Variants in SVIL observed in about 807,000 individuals in gnomAD.
SVIL encodes the protein archvillin.
In SVIL, 101 loss-of-function variants were observed where a neutral mutation model predicts 240.4. That is an observed-to-expected ratio of 0.42 (90% confidence interval 0.36 to 0.50). The LOEUF is 0.50. Ranked by LOEUF, SVIL falls within the 20% of genes least tolerant of loss-of-function variation. The pLI, the probability that SVIL is intolerant of heterozygous loss-of-function variation, is 0.01. For synonymous variants in SVIL, 999 were observed against 1,100.0 expected, an observed-to-expected ratio of 0.91 and a Z score of 1.82; for missense variants, 2,512 against 2,818.7, an observed-to-expected ratio of 0.89 and a Z score of 2.46.
intron 6 of SVIL, among the ~76,000 whole-genome samples, 170 bp from the exon 7 acceptor site, chr10:29,536,239 A>C (rs896080853): frequency 6.6e-6 from 1 of 152,166 alleles, no homozygotes; most frequent in Non-Finnish European, 1.5e-5. Context: ...AGCAGCAGAC[A>C]TGAGGGCCCA....
chr10:29,496,962 G>T lies in SVIL; in HGVS notation c.3665-1781C>A, dbSNP rs1405090432. On this transcript the variant is annotated intron_variant, in intron 18 of 37. Transcript: ENST00000355867. ...ACTTAGTCACCCTGCACCTAACGACGTGCTTCTGTTAAAGAAGGGTTGGGG... is the reference window on the plus strand; with the variant it reads ...ACTTAGTCACCCTGCACCTAACGACTTGCTTCTGTTAAAGAAGGGTTGGGG... Among the ~76,000 whole-genome samples the T allele has an allele frequency of 4.6e-5, 7 of 152,176 alleles. No individual in the cohort carries two copies. In the East Asian group the frequency reaches 1.3e-3, roughly 29 times the overall value.
chr10:29,583,327 T>G (rs1956029153), intron 1 of SVIL, among the ~76,000 whole-genome samples: 1 of 152,206 alleles, frequency 6.6e-6, no homozygotes, highest in Non-Finnish European at 1.5e-5. Flanking sequence ...AGACAGGGTC[T>G]GGCTCTGTTG....
intron 1 of SVIL, among the ~76,000 whole-genome samples, chr10:29,574,824 G>A (rs1459833769): frequency 6.6e-6 from 1 of 152,188 alleles, no homozygotes; most frequent in African/African-American, 2.4e-5. Context: ...GGAGACATCA[G>A]GCCAGCTGCA....
intron 7 of SVIL, among the ~76,000 whole-genome samples, chr10:29,535,723 A>G (rs1319011227): frequency 6.6e-6 from 1 of 152,210 alleles, no homozygotes; most frequent in Admixed American, 6.5e-5. Flanking sequence ...GTTGGTGAGA[A>G]GGGAAAAGCA....
chr10:29,606,314 G>A lies in SVIL; in HGVS notation c.-201+28106C>T, dbSNP rs150010569. Among the ~76,000 whole-genome samples the A allele has an allele frequency of 7.3e-3, 1,105 of 152,212 alleles. 17 individuals are homozygous for A. The highest frequency in any genetic ancestry group is 0.026 in the African/African-American group (1,066 of 41,506). On this transcript the variant is annotated intron_variant, in intron 1 of 37. Coordinates refer to ENST00000355867, the MANE Select transcript of SVIL (RefSeq NM_021738.3). The stretch of plus-strand genomic sequence containing the variant: ...CCCGCCTCAGCCTCCCAAAGTGCTG[G>A]GATTACAGACACTGGCCACTGCAAC...
intron 1 of SVIL, among the ~76,000 whole-genome samples, chr10:29,624,139 G>A (rs1228004644): frequency 1.4e-5 from 2 of 141,978 alleles, no homozygotes. Flanking sequence ...GAAAACAATG[G>A]ATGCTCTCCT....
intron 1 of SVIL, among the ~76,000 whole-genome samples, chr10:29,725,065 C>A (rs1481229139): frequency 1.4e-5 from 2 of 146,260 alleles, no homozygotes; most frequent in Admixed American, 1.4e-4. Flanking sequence ...CATGCATGCT[C>A]ACCTCTAAAT....
intron 29 of SVIL, among the ~76,000 whole-genome samples, chr10:29,479,782 T>C (rs989741773): frequency 6.6e-6 from 1 of 152,216 alleles, no homozygotes; most frequent in Non-Finnish European, 1.5e-5. Context: ...AAGGGGGCTG[T>C]AAAGAGGCAA....
chr10:29,458,419 G>A lies in SVIL; in HGVS notation c.6558+15C>T, dbSNP rs200238394. The A allele has an allele frequency of 2.4e-5, 38 of 1,593,302 alleles. 1 individual carries two copies. The Middle Eastern group carries it at 1.3e-3, about 56-fold the overall frequency. ...GTTTTACTCCCATCCCCACCCCACC[G>A]GAAGAACCGCTTACCTCGAAGTCTT... On this transcript the variant is annotated intron_variant, in intron 37 of 37. Transcript: ENST00000355867.
At chr10:29,501,447 T>G (rs941586021) in intron 17 of SVIL, among the ~76,000 whole-genome samples, 17 of 121,742 alleles carry the variant, frequency 1.4e-4, no homozygotes, top group East Asian at 5.4e-4. Context: ...GGCAAGAAAG[T>G]GGGGTGAGGA....
chr10:29,488,558 A>G, intron 23 of SVIL, 43 bp downstream of exon 23: 1 of 1,512,418 alleles, frequency 6.6e-7, no homozygotes, highest in Non-Finnish European at 8.8e-7. Context: ...ACCAGACAGA[A>G]ACCACGGGCC....
intron 1 of SVIL, among the ~76,000 whole-genome samples, chr10:29,612,098 A>C (rs1239905860): frequency 6.6e-6 from 1 of 152,118 alleles, no homozygotes; most frequent in Non-Finnish European, 1.5e-5. Context: ...TCAGGAAAAA[A>C]AAAATCGATC....
chr10:29,557,405 TCC>T (rs1954035389), intron 3 of SVIL, among the ~76,000 whole-genome samples: 4 of 152,028 alleles, frequency 2.6e-5, no homozygotes, highest in African/African-American at 9.7e-5. Flanking sequence ...GCCTAACATG[TCC>T]CTTTTCTTGC....
chr10:29,504,634 T>C (rs1949133785), intron 17 of SVIL, among the ~76,000 whole-genome samples: 1 of 152,142 alleles, frequency 6.6e-6, no homozygotes, highest in Admixed American at 6.5e-5. Flanking sequence ...GACTTGCAAA[T>C]TAAAACAAGG....
At chr10:29,500,554 C>A (rs1356183449) in intron 17 of SVIL, among the ~76,000 whole-genome samples, 1 of 152,196 alleles carries the variant, frequency 6.6e-6, no homozygotes, top group South Asian at 2.1e-4. Flanking sequence ...AGCGCATCCG[C>A]TTTCAAACTA....
intron 2 of SVIL, among the ~76,000 whole-genome samples, chr10:29,564,313 A>G (rs1192723390): frequency 2.6e-5 from 4 of 152,184 alleles, no homozygotes; most frequent in African/African-American, 7.2e-5. Context: ...ATTCAAATCC[A>G]TCTCCTAGTT....
intron 18 of SVIL, among the ~76,000 whole-genome samples, chr10:29,497,130 C>T (rs368870605): frequency 3.7e-4 from 57 of 152,278 alleles, no homozygotes; most frequent in African/African-American, 1.4e-3. Context: ...AGAAAGGATT[C>T]CCCACTAAGA....
chr10:29,532,284 C>CCT, intron 8 of SVIL, 112 bp from the exon 9 acceptor site: 1 of 1,293,582 alleles, frequency 7.7e-7, no homozygotes, highest in Admixed American at 2.7e-5. Context: ...CCACCAAACC[C>CCT]CTCTTCATGC....
intron 35 of SVIL, among the ~76,000 whole-genome samples, chr10:29,462,658 A>G (rs528423488): frequency 6.6e-6 from 1 of 152,320 alleles, no homozygotes; most frequent in African/African-American, 2.4e-5. Flanking sequence ...TATTCCTGGA[A>G]GGGAGAGAGA....
Sources: allele counts gnomAD v4.1 joint callset (sites outside exome capture counted in the v4.1 genomes callset), GRCh38; gene constraint gnomAD v4.1.1; transcripts MANE v1.5; gene names NCBI Gene and HGNC (gene_info 2026-07-23, HGNC 2026-07-21).